The following BDP1 variants were observed in gnomAD, a reference collection of about 807,000 sequenced individuals.
The protein encoded by BDP1 is BDP1 general transcription factor IIIB subunit.
Under a neutral mutation model 266.6 loss-of-function variants are expected in BDP1, and 169 were observed. The ratio of observed to expected loss-of-function variants is 0.63; its 90% CI spans 0.56 to 0.72. BDP1 has a LOEUF of 0.72. Among genes scored for constraint, BDP1 ranks in the 30% least tolerant of loss-of-function variants. BDP1 has a pLI of 0.00. For missense variants in BDP1, 3,015 were observed against 3,053.8 expected (o/e 0.99, Z 0.30); for synonymous variants, 1,090 against 1,022.4 (o/e 1.07, Z -1.26).
intron 25 of BDP1, among the ~76,000 whole-genome samples, chr5:71,528,703 A>G (rs1766055712): frequency 1.3e-5 from 2 of 152,220 alleles, no homozygotes; most frequent in Non-Finnish European, 2.9e-5. Flanking sequence ...TTTAGAGTAA[A>G]TGAACTAATA....
chr5:71,480,683 C>G (rs1463731138), intron 7 of BDP1, among the ~76,000 whole-genome samples: 1 of 151,724 alleles, frequency 6.6e-6, no homozygotes, highest in African/African-American at 2.4e-5. Flanking sequence ...TCTTCTGCCT[C>G]AGCCTCCCAA....
intron 28 of BDP1, among the ~76,000 whole-genome samples, chr5:71,540,946 A>G (rs991528111): frequency 6.6e-6 from 1 of 152,098 alleles, no homozygotes; most frequent in Admixed American, 6.6e-5. Flanking sequence ...TCAAAAATAG[A>G]TAAATAAAGA....
chr5:71,469,898 A>G (rs1339451412), intron 6 of BDP1, among the ~76,000 whole-genome samples: 7 of 135,622 alleles, frequency 5.2e-5, no homozygotes, highest in Non-Finnish European at 9.5e-5. Flanking sequence ...TTGGAGTGCA[A>G]TGGCACGATC....
At chr5:71,458,470 T>A in intron 1 of BDP1, 109 bp from the exon 2 acceptor site, 1 of 810,440 alleles carries the variant, frequency 1.2e-6, no homozygotes, top group Non-Finnish European at 1.9e-6. Flanking sequence ...TAATTTTTTT[T>A]TTTTAATTAC....
chr5:71,556,610 A>G (rs1476587590), intron 35 of BDP1, among the ~76,000 whole-genome samples: 1 of 152,176 alleles, frequency 6.6e-6, no homozygotes, highest in Non-Finnish European at 1.5e-5. Flanking sequence ...GTGATGTAGT[A>G]GTCTTTTGAT....
At chr5:71,525,561 CGG>C (rs1214291869) in intron 25 of BDP1, among the ~76,000 whole-genome samples, 1 of 66,672 alleles carries the variant, frequency 1.5e-5, no homozygotes, top group Non-Finnish European at 3.6e-5. Context: ...ACCTCCCTCC[CGG>C]ATGGGGCGGC....
chr5:71,497,781 T>C (rs976934284), intron 13 of BDP1, among the ~76,000 whole-genome samples: 1 of 152,200 alleles, frequency 6.6e-6, no homozygotes. Context: ...TTACAAACTT[T>C]CTGTTTGTTT....
chr5:71,474,452 G>C (rs189299360), intron 7 of BDP1, among the ~76,000 whole-genome samples: 9 of 151,872 alleles, frequency 5.9e-5, no homozygotes, highest in African/African-American at 2.2e-4. Context: ...CTCCCAAGAA[G>C]TTGGGACTAT....
intron 22 of BDP1, among the ~76,000 whole-genome samples, chr5:71,520,191 A>G (rs1370380492): frequency 6.6e-6 from 1 of 151,952 alleles, no homozygotes; most frequent in Non-Finnish European, 1.5e-5. Flanking sequence ...TGTTCCTTAT[A>G]TATTCTGGTT....
intron 13 of BDP1, among the ~76,000 whole-genome samples, chr5:71,499,973 A>T (rs1397139643): frequency 6.6e-6 from 1 of 152,150 alleles, no homozygotes; most frequent in African/African-American, 2.4e-5. Flanking sequence ...ATTTTCTGGT[A>T]TGTCTGAGTC....
chr5:71,479,636 T>G (rs943384585), intron 7 of BDP1, among the ~76,000 whole-genome samples: 45 of 152,070 alleles, frequency 3.0e-4, no homozygotes, highest in African/African-American at 9.9e-4. Flanking sequence ...AAGCTCCGCC[T>G]CCCGGGTTCA....
chr5:71,514,013 C>G (rs1445440789), intron 19 of BDP1, among the ~76,000 whole-genome samples: 2 of 151,788 alleles, frequency 1.3e-5, no homozygotes, highest in Non-Finnish European at 2.9e-5. Context: ...AGCCGTGGCG[C>G]CCAGCGAGAA....
At chr5:71,492,202 G>A (rs1763636433) in intron 11 of BDP1, among the ~76,000 whole-genome samples, 1 of 152,168 alleles carries the variant, frequency 6.6e-6, no homozygotes, top group African/African-American at 2.4e-5. Flanking sequence ...CACTGAACAT[G>A]GGAGTGCAAA....
intron 11 of BDP1, among the ~76,000 whole-genome samples, chr5:71,491,715 GT>G (rs1763609836): frequency 6.6e-6 from 1 of 151,588 alleles, no homozygotes; most frequent in African/African-American, 2.4e-5. Flanking sequence ...TCTTTGTTTT[GT>G]TTTGTTTTGT....
chr5:71,559,998 A>T lies in BDP1; in HGVS notation c.7257A>T (p.Gly2419=). 6.2e-7 allele frequency: 1 copy of T among 1,613,710 alleles called. No individual in the cohort carries two copies. Among genetic ancestry groups the T allele is most frequent in the Non-Finnish European group, 8.5e-7 (1 of 1,180,002 alleles). The part of the protein sequence containing the change: ...VFEETGESHK[G]QDIFLTSGST... ...TTTTTGAAGGGGAGTCTCACAAGGG[A>T]CAAGATATTTTTCTTACCTCAGGAA... is the stretch of plus-strand genomic sequence containing the variant. Residue 2419 remains glycine (G), a synonymous_variant, in exon 37 of 39, where the codon GGA becomes GGT. Coordinates refer to ENST00000358731, the MANE Select transcript of BDP1 (RefSeq NM_018429.3).
intron 15 of BDP1, among the ~76,000 whole-genome samples, chr5:71,503,088 A>G (rs963866090): frequency 6.6e-6 from 1 of 151,452 alleles, no homozygotes; most frequent in African/African-American, 2.4e-5. Flanking sequence ...AAAAATTCAC[A>G]TGATCTATAA....
intron 6 of BDP1, among the ~76,000 whole-genome samples, chr5:71,469,507 A>G (rs1167527520): frequency 6.6e-6 from 1 of 152,202 alleles, no homozygotes; most frequent in Non-Finnish European, 1.5e-5. Context: ...TATGTAGTGT[A>G]ACCCTATCCT....
At chr5:71,525,912 C>T (rs1281411454) in intron 25 of BDP1, among the ~76,000 whole-genome samples, 3 of 152,026 alleles carry the variant, frequency 2.0e-5, no homozygotes, top group Non-Finnish European at 4.4e-5. Context: ...CTCCTCACTT[C>T]TCAGACGGGG....
rs1393749764 is a variant in BDP1 at position 71,539,649 on chromosome 5, G to A, written c.6022G>A (p.Val2008Ile). 5.0e-6 allele frequency: 8 copies of A among 1,594,082 alleles called. No homozygotes were observed. Among genetic ancestry groups the A allele is most frequent in the South Asian group, 1.1e-5 (1 of 88,868 alleles). The change falls in exon 28 of 39, where the codon GTA (valine) becomes ATA (isoleucine). Residue 2008 changes from valine to isoleucine, a missense_variant and splice_region_variant. Val to Ile is a conservative substitution (Grantham distance 29). Transcript: ENST00000358731. ...QSEISSEQGD[V>I]GVCIIPHVHS... is the part of the protein sequence containing the mutation. Reference sequence around the variant, plus strand: ...AGAGATCAGTAGTGAACAGGGTGATGGTAAGAATGAAAGCTAAGTCCTATC... The same window carrying A: ...AGAGATCAGTAGTGAACAGGGTGATAGTAAGAATGAAAGCTAAGTCCTATC...
Sources: allele counts gnomAD v4.1 joint callset (sites outside exome capture counted in the v4.1 genomes callset), GRCh38; gene constraint gnomAD v4.1.1; transcripts MANE v1.5; gene names NCBI Gene and HGNC (gene_info 2026-07-23, HGNC 2026-07-21).